Variants in PRKG1 observed in about 807,000 individuals in gnomAD.
PRKG1 encodes cGMP-dependent protein kinase 1.
Under a neutral mutation model 88.1 loss-of-function variants are expected in PRKG1, and 35 were observed. The observed-to-expected ratio is 0.40, with a 90% CI of 0.30 to 0.53. PRKG1 has a LOEUF of 0.53. PRKG1 is among the 20% of genes least tolerant of loss of function. The pLI, the probability that PRKG1 is intolerant of heterozygous loss-of-function variation, is 0.59. For synonymous variants in PRKG1, 303 were observed against 292.5 expected, an observed-to-expected ratio of 1.04 and a Z score of -0.37; for missense variants, 540 against 839.8, an observed-to-expected ratio of 0.64 and a Z score of 4.41.
chr10:51,397,173 G>A (rs1270220926), intron 2 of PRKG1, among the ~76,000 whole-genome samples: 2 of 143,514 alleles, frequency 1.4e-5, no homozygotes, highest in African/African-American at 5.2e-5. Context: ...TGCTCTGGGT[G>A]AGTGCTTCAC....
At chr10:51,805,101 C>T (rs1424357127) in intron 4 of PRKG1, among the ~76,000 whole-genome samples, 1 of 152,084 alleles carries the variant, frequency 6.6e-6, no homozygotes, top group Non-Finnish European at 1.5e-5. Flanking sequence ...CAGACTCACA[C>T]TGTAAGGCCG....
chr10:52,124,198 G>T (rs1847881804), intron 7 of PRKG1, among the ~76,000 whole-genome samples: 1 of 152,124 alleles, frequency 6.6e-6, no homozygotes, highest in Non-Finnish European at 1.5e-5. Context: ...TTTAAGGATA[G>T]GGACATATTC....
chr10:51,095,133 G>GC (rs1388791008), intron 1 of PRKG1, among the ~76,000 whole-genome samples: 3 of 152,018 alleles, frequency 2.0e-5, no homozygotes, highest in Non-Finnish European at 4.4e-5. Flanking sequence ...ACGTCTGGAG[G>GC]GTTTATGATC....
intron 3 of PRKG1, among the ~76,000 whole-genome samples, chr10:51,670,860 A>G (rs1840556316): frequency 6.6e-6 from 1 of 152,028 alleles, no homozygotes; most frequent in Non-Finnish European, 1.5e-5. Flanking sequence ...CTCCTGAATA[A>G]TACTGAATAA....
chr10:51,334,119 A>G (rs1841806787), intron 2 of PRKG1, among the ~76,000 whole-genome samples: 1 of 150,638 alleles, frequency 6.6e-6, no homozygotes, highest in South Asian at 2.1e-4. Flanking sequence ...TTGTAATAGG[A>G]GTCCACTGCC....
At chr10:51,043,983 T>C (rs1402725027) in intron 1 of PRKG1, among the ~76,000 whole-genome samples, 1 of 152,316 alleles carries the variant, frequency 6.6e-6, no homozygotes, top group East Asian at 1.9e-4. Flanking sequence ...TCACAGGTAC[T>C]AACTCATTGA....
chr10:51,006,816 C>A (rs1282075867), intron 1 of PRKG1, among the ~76,000 whole-genome samples: 1 of 152,108 alleles, frequency 6.6e-6, no homozygotes, highest in East Asian at 1.9e-4. Context: ...ACCTCTGCAG[C>A]TATCTACTCT....
intron 2 of PRKG1, among the ~76,000 whole-genome samples, chr10:51,449,678 A>AT (rs1390033863): frequency 9.9e-6 from 1 of 100,700 alleles, no homozygotes; most frequent in Non-Finnish European, 2.6e-5. Context: ...ATTTGGATAT[A>AT]TTTTTATATC....
At chr10:52,128,304 T>A in intron 7 of PRKG1, 2 of 985,418 alleles carry the variant, frequency 2.0e-6, no homozygotes, top group Non-Finnish European at 2.4e-6. Flanking sequence ...GCCCCTACTC[T>A]GACAGCTACT....
chr10:52,287,127 C>G (rs1842133752), intron 14 of PRKG1, among the ~76,000 whole-genome samples: 1 of 151,746 alleles, frequency 6.6e-6, no homozygotes, highest in Admixed American at 6.6e-5. Flanking sequence ...AAAAGCAAAA[C>G]TATAAATTAG....
At chr10:51,507,353 G>C (rs1398250684) in intron 3 of PRKG1, among the ~76,000 whole-genome samples, 3 of 151,826 alleles carry the variant, frequency 2.0e-5, no homozygotes, top group Non-Finnish European at 4.4e-5. Context: ...GGGTGAAAAA[G>C]ATATGTCAGG....
chr10:52,291,793 G>A (rs1287317733), intron 17 of PRKG1, among the ~76,000 whole-genome samples: 2 of 151,808 alleles, frequency 1.3e-5, no homozygotes, highest in African/African-American at 2.4e-5. Flanking sequence ...GGGTCAAATG[G>A]TATTTCTAGT....
At chr10:51,629,991 G>T (rs1159432562) in intron 3 of PRKG1, among the ~76,000 whole-genome samples, 1 of 152,110 alleles carries the variant, frequency 6.6e-6, no homozygotes, top group African/African-American at 2.4e-5. Context: ...TGTATCTGCC[G>T]ACTTGAACAC....
chr10:51,373,248 A>C (rs1021194331), intron 2 of PRKG1, among the ~76,000 whole-genome samples: 2 of 152,214 alleles, frequency 1.3e-5, no homozygotes, highest in African/African-American at 4.8e-5. Flanking sequence ...AACATGAAGC[A>C]ACACAAAGTT....
chr10:51,781,720 G>A (rs1220397727), intron 3 of PRKG1, among the ~76,000 whole-genome samples: 1 of 152,110 alleles, frequency 6.6e-6, no homozygotes, highest in African/African-American at 2.4e-5. Context: ...AGAGGGGCAG[G>A]AAAAGTAGGC....
chr10:51,071,026 A>C (rs1323795495), upstream of PRKG1, among the ~76,000 whole-genome samples: 1 of 152,202 alleles, frequency 6.6e-6, no homozygotes, highest in East Asian at 1.9e-4. Context: ...CCCTGAAGGA[A>C]TCTGAGGTAG....
At chr10:51,773,460 CTG>C (rs1290336158) in intron 3 of PRKG1, among the ~76,000 whole-genome samples, 2 of 151,996 alleles carry the variant, frequency 1.3e-5, no homozygotes, top group African/African-American at 4.8e-5. Flanking sequence ...AAGTTTGTGA[CTG>C]TAATTGTATC....
chr10:52,128,255 T>G (rs1440764441), intron 7 of PRKG1: 1 of 985,326 alleles, frequency 1.0e-6, no homozygotes, highest in Non-Finnish European at 1.2e-6. Flanking sequence ...TGGGACTCTG[T>G]GGACAGCAGT....
chr10:51,440,380 C>G (rs1839066214), intron 2 of PRKG1, among the ~76,000 whole-genome samples: 1 of 151,888 alleles, frequency 6.6e-6, no homozygotes, highest in South Asian at 2.1e-4. Flanking sequence ...TCTCGAAGAG[C>G]ATTTGTAATT....
Sources: allele counts gnomAD v4.1 joint callset (sites outside exome capture counted in the v4.1 genomes callset), GRCh38; gene constraint gnomAD v4.1.1; transcripts MANE v1.5; gene names NCBI Gene and HGNC (gene_info 2026-07-23, HGNC 2026-07-21).